Variants in NAALADL2 observed in about 807,000 individuals in gnomAD.
NAALADL2 encodes inactive N-acetylated-alpha-linked acidic dipeptidase-like protein 2.
Under a neutral mutation model 87.2 loss-of-function variants are expected in NAALADL2, and 76 were observed. The observed-to-expected ratio is 0.87, with a 90% CI of 0.72 to 1.05. The LOEUF is 1.05. Ranked by LOEUF, NAALADL2 falls within the 50% of genes least tolerant of loss-of-function variation. The pLI is 0.00. For synonymous variants in NAALADL2, 354 were observed against 331.0 expected (o/e 1.07, Z -0.75); for missense variants, 1,089 against 945.8 (o/e 1.15, Z -1.99).
intron 3 of NAALADL2, among the ~76,000 whole-genome samples, chr3:174,842,783 G>T (rs540367295): frequency 2.1e-4 from 31 of 151,114 alleles, no homozygotes; most frequent in African/African-American, 3.4e-4. Context: ...ACCTGTTTTT[G>T]TGTGTGTGTG....
chr3:175,229,453 C>T (rs940932470), intron 2 of NAALADL2, among the ~76,000 whole-genome samples: 3 of 151,952 alleles, frequency 2.0e-5, no homozygotes, highest in African/African-American at 7.2e-5. Context: ...TGACCATTAT[C>T]TTAATTTGTT....
upstream of NAALADL2, among the ~76,000 whole-genome samples, chr3:174,855,000 G>A (rs1725697096): frequency 6.6e-6 from 1 of 151,652 alleles, no homozygotes; most frequent in African/African-American, 2.4e-5. Flanking sequence ...ACCACACCTG[G>A]CTAATTTTTG....
chr3:175,086,859 ATTAT>A (rs1345978313), intron 1 of NAALADL2, among the ~76,000 whole-genome samples: 14 of 152,180 alleles, frequency 9.2e-5, no homozygotes, highest in African/African-American at 3.4e-4. Context: ...TTATTGCTAG[ATTAT>A]TTATCATCCT....
At chr3:175,508,027 C>T (rs932412878) in intron 9 of NAALADL2, among the ~76,000 whole-genome samples, 1 of 152,180 alleles carries the variant, frequency 6.6e-6, no homozygotes, top group Admixed American at 6.5e-5. Context: ...CAAGAAGCTT[C>T]CAATCATGGC....
chr3:174,600,575 G>A (rs1012203365), intron 2 of NAALADL2, among the ~76,000 whole-genome samples: 2 of 152,014 alleles, frequency 1.3e-5, no homozygotes, highest in African/African-American at 4.8e-5. Flanking sequence ...CACGGTAAGT[G>A]CATTAGTCTG....
intron 3 of NAALADL2, among the ~76,000 whole-genome samples, chr3:174,785,182 T>C (rs1365083551): frequency 1.3e-5 from 2 of 152,186 alleles, no homozygotes; most frequent in Non-Finnish European, 2.9e-5. Context: ...CTCCTTCTAC[T>C]GTTTCCCTCT....
At chr3:174,953,456 T>G (rs908093562) in intron 1 of NAALADL2, among the ~76,000 whole-genome samples, 1 of 151,480 alleles carries the variant, frequency 6.6e-6, no homozygotes, top group Non-Finnish European at 1.5e-5. Flanking sequence ...CCTGCTCTTA[T>G]GGAGTTCAAA....
chr3:174,927,090 A>G (rs187434150), intron 1 of NAALADL2, among the ~76,000 whole-genome samples: 26 of 152,268 alleles, frequency 1.7e-4, no homozygotes, highest in Admixed American at 4.6e-4. Flanking sequence ...CTTTAAACCA[A>G]CAAAAATCAA....
intron 3 of NAALADL2, among the ~76,000 whole-genome samples, chr3:174,810,961 G>A (rs1286459405): frequency 1.3e-5 from 2 of 152,176 alleles, no homozygotes; most frequent in Non-Finnish European, 2.9e-5. Flanking sequence ...TGTAGCTCCA[G>A]CCCAGGTACA....
intron 6 of NAALADL2, among the ~76,000 whole-genome samples, chr3:175,452,071 C>T (rs182429209): frequency 4.3e-4 from 66 of 152,200 alleles, no homozygotes; most frequent in Non-Finnish European, 8.2e-4. Flanking sequence ...TTTAGCTTTT[C>T]AAGAAATTTC....
chr3:175,009,883 T>G (rs1749549782), intron 1 of NAALADL2, among the ~76,000 whole-genome samples: 4 of 151,992 alleles, frequency 2.6e-5, no homozygotes, highest in Admixed American at 2.6e-4. Flanking sequence ...TTTATCAAAA[T>G]AATATATTTA....
intron 11 of NAALADL2, among the ~76,000 whole-genome samples, chr3:175,651,295 T>C (rs1377314430): frequency 6.6e-6 from 1 of 152,180 alleles, no homozygotes; most frequent in African/African-American, 2.4e-5. Flanking sequence ...AAATAACTTT[T>C]CAAGGGTATT....
At chr3:175,703,332 A>G (rs1399211884) in intron 11 of NAALADL2, among the ~76,000 whole-genome samples, 1 of 152,204 alleles carries the variant, frequency 6.6e-6, no homozygotes, top group Non-Finnish European at 1.5e-5. Flanking sequence ...GGATTCCCCA[A>G]GGTGCTATAA....
At chr3:174,918,393 C>T (rs770670931) in intron 1 of NAALADL2, among the ~76,000 whole-genome samples, 35 of 152,028 alleles carry the variant, frequency 2.3e-4, no homozygotes, top group Non-Finnish European at 3.5e-4. Context: ...GGAAAAAAAC[C>T]GAATCCCTGT....
At chr3:174,950,446 A>G (rs568954916) in intron 1 of NAALADL2, among the ~76,000 whole-genome samples, 34 of 152,250 alleles carry the variant, frequency 2.2e-4, no homozygotes, top group African/African-American at 7.5e-4. Flanking sequence ...ATACATATAC[A>G]TGATTCTATT....
intron 2 of NAALADL2, among the ~76,000 whole-genome samples, chr3:175,171,759 C>G (rs1028240009): frequency 1.3e-5 from 2 of 152,038 alleles, no homozygotes; most frequent in African/African-American, 4.8e-5. Flanking sequence ...TCATTTACAG[C>G]AACATGGATG....
rs373064365 is a variant in NAALADL2 at position 174,999,235 on chromosome 3, T to G, written c.44-97555T>G. Among the ~76,000 whole-genome samples, 99 of 152,280 alleles carry G rather than the reference T, an allele frequency of 6.5e-4. 1 individual carries two copies. The highest frequency in any genetic ancestry group is 2.2e-3 in the African/African-American group (93 of 41,578). On this transcript the variant is annotated intron_variant, in intron 1 of 13. Transcript: ENST00000454872. ...AGTATTTTTCCCCAGTCCATTGGTC[T>G]TGCATTATAAAAGTTTTCCAAAATT... is the stretch of plus-strand genomic sequence containing the variant.
chr3:175,362,506 A>T lies in NAALADL2; in HGVS notation c.1090+38181A>T, dbSNP rs1475592015. Among the ~76,000 whole-genome samples the T allele has an allele frequency of 1.4e-5, 2 of 147,986 alleles. 1 individual carries two copies. The highest frequency in any genetic ancestry group is 3.0e-5 in the Non-Finnish European group (2 of 66,570). ...GATTGTTCCTATCCATGAGCATGGA[A>T]TGTTCTTCTATTTGTTTGTATCCTC... is the stretch of plus-strand genomic sequence containing the variant. On this transcript the variant is annotated intron_variant, in intron 5 of 13. Coordinates refer to ENST00000454872, the MANE Select transcript of NAALADL2 (RefSeq NM_207015.3).
intron 12 of NAALADL2, among the ~76,000 whole-genome samples, chr3:175,747,135 T>C (rs1465872885): frequency 1.3e-5 from 2 of 152,200 alleles, no homozygotes; most frequent in African/African-American, 4.8e-5. Flanking sequence ...CTAGTTTTTC[T>C]TTCCCACCAT....
Sources: allele counts gnomAD v4.1 joint callset (sites outside exome capture counted in the v4.1 genomes callset), GRCh38; gene constraint gnomAD v4.1.1; transcripts MANE v1.5; gene names NCBI Gene and HGNC (gene_info 2026-07-23, HGNC 2026-07-21).